Variants in IRAK2 observed in about 807,000 individuals in gnomAD.
The protein encoded by IRAK2 is interleukin-1 receptor-associated kinase-like 2.
A neutral mutation model predicts 72.0 loss-of-function variants in IRAK2; 57 were observed. The observed-to-expected ratio is 0.79, with a 90% CI of 0.64 to 0.99. IRAK2 has a LOEUF of 0.99. IRAK2 is among the 50% of genes least tolerant of loss of function. The pLI is 0.00. For synonymous variants in IRAK2, 293 were observed against 312.7 expected (o/e 0.94, Z 0.67); for missense variants, 790 against 794.4 (o/e 0.99, Z 0.07).
chr3:10,215,576 C>T (rs12491091), intron 6 of IRAK2, among the ~76,000 whole-genome samples: 46,398 of 151,706 alleles, frequency 0.31, 7,699 homozygotes, highest in Non-Finnish European at 0.38. Context: ...TGTAGAGACA[C>T]GATCTCACTA....
Position 10,211,559 on chromosome 3 carries a change from C to T in IRAK2, c.529-1648C>T, listed in dbSNP as rs551517787. ...CCTTGAGCCTGGGAGGTTGAGGCTG[C>T]GGTGAGCTGACATCATGCCATTGCA... On this transcript the variant is annotated intron_variant, in intron 4 of 12. Transcript: ENST00000256458. Among the ~76,000 whole-genome samples the T allele has an allele frequency of 5.9e-5, 9 of 152,190 alleles. No homozygotes were observed. The South Asian group carries it at 8.3e-4, about 14-fold the overall frequency.
chr3:10,175,907 A>T (rs1457755726), intron 1 of IRAK2, among the ~76,000 whole-genome samples: 1 of 149,296 alleles, frequency 6.7e-6, no homozygotes, highest in Non-Finnish European at 1.5e-5. Context: ...AAAAAAAAAA[A>T]AAAAAAGAAA....
intron 3 of IRAK2, among the ~76,000 whole-genome samples, chr3:10,209,342 C>T (rs1281602774): frequency 6.6e-6 from 1 of 152,198 alleles, no homozygotes; most frequent in Non-Finnish European, 1.5e-5. Context: ...CGTCTACCTC[C>T]GGTGTCTCCG....
chr3:10,214,238 T>G (rs924355305), intron 6 of IRAK2, among the ~76,000 whole-genome samples: 5 of 151,774 alleles, frequency 3.3e-5, no homozygotes, highest in Non-Finnish European at 7.4e-5. Flanking sequence ...TTTTTTTTCT[T>G]TTTTAAGAGC....
chr3:10,239,936 C>T (rs977535532), intron 12 of IRAK2, among the ~76,000 whole-genome samples: 1 of 150,290 alleles, frequency 6.7e-6, no homozygotes, highest in African/African-American at 2.5e-5. Flanking sequence ...CACCTGAGGT[C>T]AGGAGTTCAA....
At chr3:10,207,907 G>A (rs1056929029) in intron 3 of IRAK2, among the ~76,000 whole-genome samples, 13 of 150,658 alleles carry the variant, frequency 8.6e-5, no homozygotes, top group Admixed American at 2.0e-4. Flanking sequence ...CAGGAGAATC[G>A]CTTGAACCTG....
intron 1 of IRAK2, among the ~76,000 whole-genome samples, chr3:10,173,772 C>T (rs1417270416): frequency 6.6e-6 from 1 of 152,136 alleles, no homozygotes; most frequent in East Asian, 1.9e-4. Flanking sequence ...CTGCAGTGAA[C>T]TGAGATCACG....
chr3:10,212,914 G>A (rs1368459422), intron 4 of IRAK2, among the ~76,000 whole-genome samples: 1 of 151,928 alleles, frequency 6.6e-6, no homozygotes, highest in Non-Finnish European at 1.5e-5. Flanking sequence ...ACAGGCGCCC[G>A]CCACCACGCC....
At chr3:10,210,951 C>G (rs1374380666) in intron 4 of IRAK2, among the ~76,000 whole-genome samples, 5 of 152,166 alleles carry the variant, frequency 3.3e-5, no homozygotes, top group Admixed American at 6.5e-5. Flanking sequence ...CTCTGCCTCC[C>G]AGGTTCAAGC....
intron 6 of IRAK2, among the ~76,000 whole-genome samples, chr3:10,216,679 G>A (rs892312326): frequency 2.6e-5 from 4 of 152,084 alleles, no homozygotes; most frequent in East Asian, 3.9e-4. Context: ...CTCAGTCTCC[G>A]TTTCTGGAGA....
At chr3:10,169,439 C>T (rs190789043) in intron 1 of IRAK2, among the ~76,000 whole-genome samples, 2 of 152,230 alleles carry the variant, frequency 1.3e-5, no homozygotes, top group Admixed American at 1.3e-4. Context: ...ATAGACCTAC[C>T]CCGGGAATGC....
chr3:10,181,709 A>G, intron 2 of IRAK2, among the ~76,000 whole-genome samples: 1 of 152,106 alleles, frequency 6.6e-6, no homozygotes, highest in Non-Finnish European at 1.5e-5. Flanking sequence ...AAAAACCACA[A>G]CCTTGCATAA....
chr3:10,195,144 T>C (rs923053814), intron 2 of IRAK2, among the ~76,000 whole-genome samples: 1 of 152,244 alleles, frequency 6.6e-6, no homozygotes, highest in African/African-American at 2.4e-5. Flanking sequence ...ACATTTTTTA[T>C]CTTCCCCACG....
chr3:10,226,454 T>C (rs766803546), intron 10 of IRAK2, 21 bp downstream of exon 10: 38 of 1,607,258 alleles, frequency 2.4e-5, no homozygotes, highest in Non-Finnish European at 3.2e-5. Context: ...TTGTCACATC[T>C]GGCTGGGAGG....
intron 2 of IRAK2, among the ~76,000 whole-genome samples, chr3:10,198,988 A>G (rs1419565703): frequency 6.6e-6 from 1 of 152,092 alleles, no homozygotes; most frequent in African/African-American, 2.4e-5. Context: ...TTTATCTGGG[A>G]GGCAATGGGG....
intron 2 of IRAK2, among the ~76,000 whole-genome samples, chr3:10,192,691 G>T (rs1332886034): frequency 6.6e-6 from 1 of 152,150 alleles, no homozygotes; most frequent in African/African-American, 2.4e-5. Context: ...GGCCAAGGCG[G>T]ACGGATCACC....
intron 9 of IRAK2, 100 bp downstream of exon 9, chr3:10,222,931 T>G (rs1330403210): frequency 3.8e-5 from 43 of 1,127,774 alleles, no homozygotes; most frequent in Non-Finnish European, 1.0e-5. Context: ...CACAGACAGG[T>G]TCCATCAAAG....
At chr3:10,192,297 A>C (rs954974128) in intron 2 of IRAK2, among the ~76,000 whole-genome samples, 1 of 151,874 alleles carries the variant, frequency 6.6e-6, no homozygotes, top group African/African-American at 2.4e-5. Flanking sequence ...GGTTGGGGGG[A>C]ATTTCCAGAG....
intron 1 of IRAK2, among the ~76,000 whole-genome samples, chr3:10,175,999 G>A (rs1402301947): frequency 6.6e-6 from 1 of 151,374 alleles, no homozygotes; most frequent in African/African-American, 2.4e-5. Flanking sequence ...TTGGAAAGGG[G>A]AAGTACCCTA....
Sources: allele counts gnomAD v4.1 joint callset (sites outside exome capture counted in the v4.1 genomes callset), GRCh38; gene constraint gnomAD v4.1.1; transcripts MANE v1.5; gene names NCBI Gene and HGNC (gene_info 2026-07-23, HGNC 2026-07-21).